NPAS3: variants seen among roughly 807,000 people sequenced by gnomAD.
The protein encoded by NPAS3 is neuronal PAS domain protein 3.
A neutral mutation model predicts 73.1 loss-of-function variants in NPAS3; 14 were observed. The observed-to-expected ratio is 0.19, with a 90% CI of 0.13 to 0.30. The LOEUF is 0.30. NPAS3 is among the 10% of genes least tolerant of loss of function. The pLI is 1.00. For missense variants in NPAS3, 1,096 were observed against 1,250.0 expected, an observed-to-expected ratio of 0.88 and a Z score of 1.86; for synonymous variants, 620 against 541.5, an observed-to-expected ratio of 1.14 and a Z score of -2.01.
intron 1 of NPAS3, among the ~76,000 whole-genome samples, chr14:33,007,891 G>A (rs2039052994): frequency 1.3e-5 from 2 of 152,128 alleles, no homozygotes; most frequent in Non-Finnish European, 1.5e-5. Flanking sequence ...CCAAAAACAG[G>A]CAATGAGTGA....
chr14:33,312,910 G>A (rs1161106266), intron 3 of NPAS3, among the ~76,000 whole-genome samples: 3 of 151,910 alleles, frequency 2.0e-5, no homozygotes, highest in Admixed American at 6.6e-5. Flanking sequence ...ATCATTGGTC[G>A]TTATATATAC....
chr14:33,100,197 C>T (rs8018913), intron 2 of NPAS3, among the ~76,000 whole-genome samples: 20,642 of 152,108 alleles, frequency 0.14, 1,779 homozygotes, highest in Non-Finnish European at 0.21. Flanking sequence ...TAGATCACTT[C>T]TGATTGGGCA....
At chr14:33,146,750 C>T (rs978632945) in intron 2 of NPAS3, among the ~76,000 whole-genome samples, 1 of 152,192 alleles carries the variant, frequency 6.6e-6, no homozygotes, top group African/African-American at 2.4e-5. Flanking sequence ...ATGATTTACT[C>T]TCTGAATGTT....
At chr14:33,147,754 T>TAC (rs1555344663) in intron 2 of NPAS3, among the ~76,000 whole-genome samples, 207 of 142,418 alleles carry the variant, frequency 1.5e-3, no homozygotes, top group African/African-American at 4.3e-3. Context: ...TATATATATA[T>TAC]ACACACAAAA....
chr14:33,122,928 G>C (rs973326961), intron 2 of NPAS3, among the ~76,000 whole-genome samples: 4 of 151,996 alleles, frequency 2.6e-5, no homozygotes, highest in Non-Finnish European at 4.4e-5. Context: ...AGAATAAAAA[G>C]GTTTTCAGTT....
At chr14:33,416,172 G>C (rs1322585602) in intron 4 of NPAS3, among the ~76,000 whole-genome samples, 1 of 152,042 alleles carries the variant, frequency 6.6e-6, no homozygotes, top group Non-Finnish European at 1.5e-5. Flanking sequence ...ACAGAAGATG[G>C]CTTAGGCTTT....
Position 33,217,096 on chromosome 14 carries a change from C to T in NPAS3, c.385+1670C>T, listed in dbSNP as rs560175941. On this transcript the variant is annotated intron_variant, in intron 3 of 11. Coordinates refer to ENST00000356141, the Ensembl canonical transcript of NPAS3. ...TAGAAGGCGAGGGGGAGGCAAAGAA[C>T]GTCTTACATGGCAGCAGGAGAGAGA... 4.6e-5 allele frequency among the ~76,000 whole-genome samples: 7 copies of T among 152,124 alleles called. No homozygotes were observed. The South Asian group carries it at 1.0e-3, about 23-fold the overall frequency.
At chr14:33,203,025 GACT>G (rs1471307275) in intron 2 of NPAS3, among the ~76,000 whole-genome samples, 6 of 152,138 alleles carry the variant, frequency 3.9e-5, no homozygotes, top group African/African-American at 1.4e-4. Context: ...GGCCTTTCTT[GACT>G]ACTATTTCTT....
chr14:33,576,021 A>T (rs1448309181), intron 5 of NPAS3, among the ~76,000 whole-genome samples: 1 of 152,096 alleles, frequency 6.6e-6, no homozygotes, highest in Non-Finnish European at 1.5e-5. Context: ...TGCCAAATAC[A>T]AACCTGTGGC....
intron 2 of NPAS3, among the ~76,000 whole-genome samples, chr14:33,183,118 C>T (rs554989689): frequency 5.9e-5 from 9 of 152,230 alleles, no homozygotes; most frequent in African/African-American, 1.7e-4. Flanking sequence ...CTTTAACTCT[C>T]GATGTACCTT....
chr14:33,111,663 CT>C (rs544311732), intron 2 of NPAS3, among the ~76,000 whole-genome samples: 7,819 of 143,402 alleles, frequency 0.055, 269 homozygotes, highest in African/African-American at 0.099. Flanking sequence ...CTTTTTTTTT[CT>C]TTTTTTTTTT....
intron 3 of NPAS3, among the ~76,000 whole-genome samples, chr14:33,229,971 G>A (rs2047786699): frequency 1.3e-5 from 2 of 152,204 alleles, no homozygotes; most frequent in African/African-American, 4.8e-5. Flanking sequence ...AACACAGCCA[G>A]CCCTGAAACG....
At chr14:33,595,693 T>C (rs4982099) in intron 5 of NPAS3, among the ~76,000 whole-genome samples, 56,904 of 152,028 alleles carry the variant, frequency 0.37, 11,613 homozygotes, top group East Asian at 0.65. Flanking sequence ...TTTTTTGAGA[T>C]GGAGTCTGGC....
At chr14:33,091,821 G>A (rs2042234696) in intron 2 of NPAS3, among the ~76,000 whole-genome samples, 2 of 152,026 alleles carry the variant, frequency 1.3e-5, no homozygotes, top group Admixed American at 1.3e-4. Context: ...TTCAACATAC[G>A]CAAATCAATA....
intron 4 of NPAS3, among the ~76,000 whole-genome samples, chr14:33,498,502 C>T (rs1254957288): frequency 1.3e-5 from 2 of 152,108 alleles, no homozygotes; most frequent in African/African-American, 2.4e-5. Flanking sequence ...CCGTGGAGTA[C>T]TATGCAGCCA....
chr14:32,973,271 G>T (rs2037514016), intron 1 of NPAS3, among the ~76,000 whole-genome samples: 1 of 152,082 alleles, frequency 6.6e-6, no homozygotes, highest in South Asian at 2.1e-4. Flanking sequence ...GTAGTATGGG[G>T]TTTTTGTCTC....
chr14:33,251,645 A>G (rs185019405), intron 3 of NPAS3, among the ~76,000 whole-genome samples: 14 of 152,242 alleles, frequency 9.2e-5, no homozygotes, highest in East Asian at 5.8e-4. Context: ...TAAATCAGGT[A>G]TGTTACATAA....
chr14:33,691,892 T>C (rs777337312), intron 6 of NPAS3, among the ~76,000 whole-genome samples: 2 of 152,170 alleles, frequency 1.3e-5, no homozygotes, highest in Non-Finnish European at 2.9e-5. Context: ...ACTCAAAAAT[T>C]ATCACCAAGG....
At chr14:33,419,420 A>G (rs920566457) in intron 4 of NPAS3, among the ~76,000 whole-genome samples, 1 of 151,830 alleles carries the variant, frequency 6.6e-6, no homozygotes, top group Non-Finnish European at 1.5e-5. Flanking sequence ...AAAAACTGTG[A>G]TTGTTGTGGG....
Sources: gnomAD v4.1 joint callset for allele counts (sites outside exome capture counted in the v4.1 genomes callset) on GRCh38, gnomAD v4.1.1 for gene constraint, MANE v1.5 for transcripts, NCBI Gene and HGNC (gene_info 2026-07-23, HGNC 2026-07-21) for gene names.